PSME4: variants seen among roughly 807,000 people sequenced by gnomAD.
The protein encoded by PSME4 is proteasome activator complex subunit 4.
Under a neutral mutation model 253.9 loss-of-function variants are expected in PSME4, and 89 were observed. That is an observed-to-expected ratio of 0.35 (90% CI 0.30 to 0.42). The LOEUF (loss-of-function observed/expected upper bound fraction) is 0.42. Ranked by LOEUF, PSME4 falls within the 10% of genes least tolerant of loss-of-function variation. PSME4 has a pLI of 1.00. For missense variants in PSME4, 2,014 were observed against 2,195.2 expected (o/e 0.92, Z 1.65); for synonymous variants, 851 against 759.2 (o/e 1.12, Z -1.99).
chr2:53,874,266 A>C (rs1161116931), intron 43 of PSME4, 73 bp downstream of exon 43: 1 of 1,440,932 alleles, frequency 6.9e-7, no homozygotes, highest in Non-Finnish European at 9.5e-7. Context: ...GGCCGCAAAT[A>C]CTTATTAAAA....
At chr2:53,952,204 G>C (rs1670030523) in intron 1 of PSME4, among the ~76,000 whole-genome samples, 1 of 152,048 alleles carries the variant, frequency 6.6e-6, no homozygotes, top group African/African-American at 2.4e-5. Context: ...GGGAGGCCGA[G>C]GTGGGCAGAT....
At chr2:53,906,409 A>G (rs913487273) in intron 26 of PSME4, among the ~76,000 whole-genome samples, 189 bp downstream of exon 26, 2 of 152,186 alleles carry the variant, frequency 1.3e-5, no homozygotes, top group African/African-American at 4.8e-5. Context: ...GAGTTAAGAG[A>G]GCCTAGCTTT....
At chr2:53,940,968 T>TATAATACATATATACATATATATATATAC (rs1558413950) in intron 3 of PSME4, among the ~76,000 whole-genome samples, 1 of 70,564 alleles carries the variant, frequency 1.4e-5, no homozygotes, top group African/African-American at 4.7e-5. Context: ...TATATATATA[T>TATAATACATATATACATATATATATATAC]ATATATATAT....
chr2:53,951,371 T>C (rs1669984515), intron 1 of PSME4, among the ~76,000 whole-genome samples: 1 of 152,250 alleles, frequency 6.6e-6, no homozygotes, highest in South Asian at 2.1e-4. Flanking sequence ...CGTGAGCCAC[T>C]GCGCCCAGCA....
chr2:53,964,982 A>G (rs573696088), intron 1 of PSME4, among the ~76,000 whole-genome samples: 51 of 152,294 alleles, frequency 3.3e-4, no homozygotes, highest in Non-Finnish European at 6.5e-4. Flanking sequence ...TAGTCACTTA[A>G]TCATAAAACA....
At chr2:53,955,891 C>T (rs1670214008) in intron 1 of PSME4, among the ~76,000 whole-genome samples, 3 of 152,128 alleles carry the variant, frequency 2.0e-5, no homozygotes, top group Non-Finnish European at 2.9e-5. Flanking sequence ...CACTGCACTC[C>T]AACCTAGGCA....
At chr2:53,950,930 C>T (rs754058696) in intron 1 of PSME4, among the ~76,000 whole-genome samples, 3 of 151,868 alleles carry the variant, frequency 2.0e-5, no homozygotes, top group Non-Finnish European at 4.4e-5. Context: ...AGTAACTGAT[C>T]CAAATAAATT....
intron 34 of PSME4, 42 bp downstream of exon 34, chr2:53,894,965 A>C (rs759673232): frequency 9.7e-6 from 15 of 1,542,716 alleles, no homozygotes; most frequent in Non-Finnish European, 1.3e-5. Context: ...TCAGTGGCCC[A>C]AAACAAGATG....
chr2:53,933,288 G>A (rs1558697724), intron 8 of PSME4: 1 of 143,702 alleles, frequency 7.0e-6, no homozygotes, highest in Admixed American at 7.6e-5. Flanking sequence ...TGTGGCAGGA[G>A]AATCACTTGA....
intron 5 of PSME4, 107 bp downstream of exon 5, chr2:53,937,284 T>C: frequency 9.4e-7 from 1 of 1,068,702 alleles, no homozygotes; most frequent in Non-Finnish European, 1.3e-6. Context: ...AGTACAATAA[T>C]GGCTGAACTT....
chr2:53,874,524 A>G, intron 42 of PSME4, 30 bp from the exon 43 acceptor site: 1 of 1,603,776 alleles, frequency 6.2e-7, no homozygotes, highest in South Asian at 1.1e-5. Context: ...ATAAACGATA[A>G]AGCAGTACTG....
At chr2:53,865,672 C>T (rs1678531463) in intron 46 of PSME4, 99 bp from the exon 47 acceptor site, 1 of 156,482 alleles carries the variant, frequency 6.4e-6, no homozygotes. Context: ...AGTAGAAAGG[C>T]TTCTGGGTAC....
chr2:53,939,929 G>C (rs774640114), intron 4 of PSME4, 27 bp downstream of exon 4: 14 of 1,553,440 alleles, frequency 9.0e-6, no homozygotes, highest in Middle Eastern at 1.7e-4. Context: ...AACAACAAGA[G>C]GCTTTATAAA....
intron 1 of PSME4, among the ~76,000 whole-genome samples, chr2:53,965,762 C>T (rs1670701928): frequency 1.3e-5 from 2 of 151,750 alleles, no homozygotes; most frequent in Non-Finnish European, 2.9e-5. Context: ...CTCTGCCTTC[C>T]GGGTTCAAGC....
intron 1 of PSME4, among the ~76,000 whole-genome samples, chr2:53,961,210 C>A (rs776099288): frequency 6.6e-6 from 1 of 152,152 alleles, no homozygotes; most frequent in African/African-American, 2.4e-5. Context: ...TTTTAACATT[C>A]CAATAGAGGT....
chr2:53,912,136 G>A (rs980331171), intron 20 of PSME4, among the ~76,000 whole-genome samples: 16 of 152,118 alleles, frequency 1.1e-4, no homozygotes, highest in African/African-American at 3.9e-4. Context: ...AACAACACAG[G>A]TGTGGGTCTA....
intron 16 of PSME4, 56 bp downstream of exon 16, chr2:53,922,993 C>A: frequency 7.6e-7 from 1 of 1,311,378 alleles, no homozygotes; most frequent in South Asian, 1.7e-5. Flanking sequence ...GTTTTAGAAA[C>A]CAAGAAAAAA....
At chr2:53,946,035 G>T (rs968615341) in intron 3 of PSME4, among the ~76,000 whole-genome samples, 1 of 152,166 alleles carries the variant, frequency 6.6e-6, no homozygotes, top group South Asian at 2.1e-4. Flanking sequence ...AGGATGATGT[G>T]ACACTTTAGG....
intron 44 of PSME4, among the ~76,000 whole-genome samples, chr2:53,868,479 T>C: frequency 1.2e-5 from 1 of 80,054 alleles, no homozygotes; most frequent in Admixed American, 1.5e-4. Flanking sequence ...AAAATATATT[T>C]ATAATATATA....
Sources: gnomAD v4.1 joint callset for allele counts (sites outside exome capture counted in the v4.1 genomes callset) on GRCh38, gnomAD v4.1.1 for gene constraint, MANE v1.5 for transcripts, NCBI Gene and HGNC (gene_info 2026-07-23, HGNC 2026-07-21) for gene names.